The following GRM8 variants were observed in gnomAD, a reference collection of about 807,000 sequenced individuals.
GRM8 encodes the protein glutamate metabotropic receptor 8.
A neutral mutation model predicts 87.2 loss-of-function variants in GRM8; 47 were observed. That is an observed-to-expected ratio of 0.54 (90% CI 0.43 to 0.69). The LOEUF is 0.69. GRM8 is among the 30% of genes least tolerant of loss of function. The probability of loss-of-function intolerance (pLI) is 0.00; values close to 1 mark genes in which losing one functional copy is unlikely to be tolerated. For synonymous variants in GRM8, 396 were observed against 404.5 expected (o/e 0.98, Z 0.25); for missense variants, 1,019 against 1,139.2 (o/e 0.89, Z 1.52).
At chr7:126,443,570 C>T (rs1584620134) in intron 10 of GRM8, among the ~76,000 whole-genome samples, 2 of 152,034 alleles carry the variant, frequency 1.3e-5, no homozygotes, top group Admixed American at 1.3e-4. Context: ...CTTATTCAAA[C>T]CTAAATTATA....
At chr7:126,701,829 T>G in intron 7 of GRM8, 1 of 1,231,412 alleles carries the variant, frequency 8.1e-7, no homozygotes, top group Non-Finnish European at 1.1e-6. Flanking sequence ...TTCGGCAACC[T>G]AAGAAGATAA....
chr7:127,147,559 A>G (rs1828620657), intron 2 of GRM8, among the ~76,000 whole-genome samples: 1 of 152,012 alleles, frequency 6.6e-6, no homozygotes, highest in South Asian at 2.1e-4. Flanking sequence ...CCTAAGGCTT[A>G]ATTCCACCTT....
intron 7 of GRM8, among the ~76,000 whole-genome samples, chr7:126,631,471 A>T (rs1801249096): frequency 6.6e-6 from 1 of 152,228 alleles, no homozygotes; most frequent in South Asian, 2.1e-4. Context: ...AGCAATTTAT[A>T]GATTCAATGC....
At chr7:126,835,520 C>A (rs779448312) in intron 6 of GRM8, among the ~76,000 whole-genome samples, 74 of 152,080 alleles carry the variant, frequency 4.9e-4, no homozygotes, top group Non-Finnish European at 9.4e-4. Context: ...CATTGTAGAG[C>A]AGTTTGATAA....
At chr7:126,454,334 T>G (rs1349118077) in intron 9 of GRM8, among the ~76,000 whole-genome samples, 1 of 151,758 alleles carries the variant, frequency 6.6e-6, no homozygotes, top group Non-Finnish European at 1.5e-5. Flanking sequence ...GGTTGTGTTA[T>G]CTAAGGAAAG....
intron 9 of GRM8, chr7:126,512,254 G>A (rs1811497187): frequency 6.6e-6 from 1 of 152,224 alleles, no homozygotes; most frequent in Non-Finnish European, 1.5e-5. Flanking sequence ...GCTGGAAAGA[G>A]AGAGTTCCCA....
At chr7:126,904,443 T>C in intron 4 of GRM8, 105 bp downstream of exon 4, 1 of 1,109,816 alleles carries the variant, frequency 9.0e-7, no homozygotes, top group Non-Finnish European at 1.3e-6. Context: ...AGGCAGTCTG[T>C]TATTGGAAGG....
intron 8 of GRM8, among the ~76,000 whole-genome samples, chr7:126,566,616 C>A (rs1192988876): frequency 6.6e-6 from 1 of 152,136 alleles, no homozygotes; most frequent in African/African-American, 2.4e-5. Context: ...TGGAATACAG[C>A]ATGGAGGTTC....
intron 6 of GRM8, among the ~76,000 whole-genome samples, chr7:126,841,883 C>T (rs539729726): frequency 6.6e-6 from 1 of 152,114 alleles, no homozygotes; most frequent in East Asian, 1.9e-4. Context: ...CTGCCCGCCT[C>T]GGCCTCCTAA....
chr7:127,159,606 A>C (rs1792969436), intron 2 of GRM8, among the ~76,000 whole-genome samples: 1 of 152,140 alleles, frequency 6.6e-6, no homozygotes, highest in Admixed American at 6.5e-5. Context: ...GTTGAACTTT[A>C]AAAAAATTGT....
intron 8 of GRM8, among the ~76,000 whole-genome samples, chr7:126,580,487 C>T (rs1335145040): frequency 2.0e-5 from 3 of 152,092 alleles, no homozygotes; most frequent in African/African-American, 4.8e-5. Context: ...TCTGCATTCT[C>T]GTCTACTTAA....
intron 2 of GRM8, among the ~76,000 whole-genome samples, chr7:127,159,751 A>G (rs1319239070): frequency 2.0e-5 from 3 of 152,198 alleles, no homozygotes; most frequent in African/African-American, 7.2e-5. Flanking sequence ...GTTTTTCATA[A>G]GAGTTACGGT....
intron 2 of GRM8, among the ~76,000 whole-genome samples, chr7:127,138,980 C>T (rs1828103591): frequency 6.6e-6 from 1 of 152,116 alleles, no homozygotes; most frequent in African/African-American, 2.4e-5. Flanking sequence ...AACAATATTC[C>T]TCATTTCACA....
chr7:127,183,318 T>C (rs1351205112), intron 2 of GRM8, among the ~76,000 whole-genome samples: 1 of 151,736 alleles, frequency 6.6e-6, no homozygotes, highest in Non-Finnish European at 1.5e-5. Context: ...CATTAACAAA[T>C]TTAAAAGAAT....
chr7:126,899,089 A>C (rs1233197096), intron 6 of GRM8, among the ~76,000 whole-genome samples: 1 of 87,320 alleles, frequency 1.1e-5, no homozygotes, highest in Admixed American at 1.2e-4. Flanking sequence ...TTAAAAAGTT[A>C]TGTGACTGGT....
chr7:126,768,147 T>C (rs1818407113), intron 7 of GRM8, among the ~76,000 whole-genome samples: 1 of 152,158 alleles, frequency 6.6e-6, no homozygotes, highest in Non-Finnish European at 1.5e-5. Flanking sequence ...AAATGTCCAC[T>C]ATTATAAACT....
intron 3 of GRM8, among the ~76,000 whole-genome samples, chr7:126,907,222 AGGAGGAGGAGGAAGAGAT>A (rs1264176596): frequency 1.1e-4 from 16 of 143,812 alleles, no homozygotes; most frequent in African/African-American, 3.6e-4. Flanking sequence ...GAAGAGATGG[AGGAGGAGGAGGAAGAGAT>A]GGAGGAGGAG....
chr7:127,249,148 T>G (rs76528902), intron 1 of GRM8, among the ~76,000 whole-genome samples: 1 of 152,156 alleles, frequency 6.6e-6, no homozygotes, highest in Non-Finnish European at 1.5e-5. Flanking sequence ...AAGTATGAAA[T>G]TGGCAACACA....
intron 7 of GRM8, among the ~76,000 whole-genome samples, chr7:126,612,933 G>A (rs1214240727): frequency 4.6e-5 from 7 of 152,148 alleles, no homozygotes; most frequent in African/African-American, 9.7e-5. Flanking sequence ...TAGAAACCAC[G>A]GGGAAACTTT....
Sources: gnomAD v4.1 joint callset for allele counts (sites outside exome capture counted in the v4.1 genomes callset) on GRCh38, gnomAD v4.1.1 for gene constraint, MANE v1.5 for transcripts, NCBI Gene and HGNC (gene_info 2026-07-23, HGNC 2026-07-21) for gene names.